Variants in RAB38 observed in about 807,000 individuals in gnomAD.
The protein encoded by RAB38 is RAB38, member RAS oncogene family.
In RAB38, 15 loss-of-function variants were observed where a neutral mutation model predicts 18.4. That is an observed-to-expected ratio of 0.82 (90% CI 0.55 to 1.26). The LOEUF (loss-of-function observed/expected upper bound fraction) is 1.26, where lower values mean the gene tolerates loss of function less well. Among genes scored for constraint, RAB38 ranks in the 50% most tolerant of loss-of-function variants. The pLI is 0.00. For missense variants in RAB38, 294 were observed against 267.4 expected, an observed-to-expected ratio of 1.10 and a Z score of -0.69; for synonymous variants, 101 against 104.4, an observed-to-expected ratio of 0.97 and a Z score of 0.20.
At chr11:88,052,943 T>A in the RAB38 span, among the ~76,000 whole-genome samples, 59 of 115,690 alleles carry the variant, frequency 5.1e-4, no homozygotes, top group African/African-American at 1.7e-3. Flanking sequence ...TATATATATA[T>A]AAATTATATA....
the RAB38 span, chr11:87,880,142 T>C: frequency 6.6e-6 from 1 of 151,816 alleles, no homozygotes; most frequent in Non-Finnish European, 1.5e-5. Context: ...TGTTGACTAT[T>C]ACTAGAAATA....
At chr11:88,022,628 A>AAAAAAAAAAAC in the RAB38 span, among the ~76,000 whole-genome samples, 3 of 150,556 alleles carry the variant, frequency 2.0e-5, 1 homozygote, top group Non-Finnish European at 4.4e-5. Context: ...AAAAAAAAAA[A>AAAAAAAAAAAC]AAAACAACTA....
At chr11:87,811,695 T>C in the RAB38 span, among the ~76,000 whole-genome samples, 1 of 152,204 alleles carries the variant, frequency 6.6e-6, no homozygotes, top group African/African-American at 2.4e-5. Flanking sequence ...AAACCTTTTA[T>C]TGTGTTGCTT....
the RAB38 span, among the ~76,000 whole-genome samples, chr11:87,950,794 C>G: frequency 1.3e-5 from 2 of 152,166 alleles, no homozygotes; most frequent in Non-Finnish European, 2.9e-5. Context: ...GGTAACCCGA[C>G]CTTTCTCTCT....
rs146536185 is a variant in RAB38, at chr11:88,159,412, C to A, written c.203-9457G>T. Among the ~76,000 whole-genome samples the A allele has an allele frequency of 1.5e-3, 231 of 151,232 alleles. 1 individual carries two copies. Among genetic ancestry groups the A allele is most frequent in the African/African-American group, 5.5e-3 (229 of 41,322 alleles). ...TTGTTAAAATGGCCACACTGCCCCC[C>A]AAAAATCTACACATCCAATGCCATT... On this transcript the variant is annotated intron_variant, in intron 1 of 2. Coordinates refer to ENST00000243662, the MANE Select transcript of RAB38 (RefSeq NM_022337.3).
chr11:88,081,937 C>T, the RAB38 span, among the ~76,000 whole-genome samples: 1 of 151,826 alleles, frequency 6.6e-6, no homozygotes, highest in African/African-American at 2.4e-5. Context: ...GAATGAACTA[C>T]TAATACATGT....
chr11:87,859,109 A>ATACC, the RAB38 span, among the ~76,000 whole-genome samples: 1 of 151,922 alleles, frequency 6.6e-6, no homozygotes, highest in African/African-American at 2.4e-5. Flanking sequence ...ATTCATCACA[A>ATACC]TACCTCACAA....
At chr11:88,128,834 T>C (rs1213681027) in intron 2 of RAB38, among the ~76,000 whole-genome samples, 1 of 152,190 alleles carries the variant, frequency 6.6e-6, no homozygotes, top group African/African-American at 2.4e-5. Context: ...ACTTGGATCA[T>C]GTGGACACTA....
chr11:88,161,771 T>A (rs1943191541), intron 1 of RAB38, among the ~76,000 whole-genome samples: 1 of 152,098 alleles, frequency 6.6e-6, no homozygotes, highest in South Asian at 2.1e-4. Context: ...ATTGTGCATA[T>A]CTGTTGTAAC....
the RAB38 span, among the ~76,000 whole-genome samples, chr11:87,883,786 C>G: frequency 6.6e-6 from 1 of 151,792 alleles, no homozygotes; most frequent in Non-Finnish European, 1.5e-5. Flanking sequence ...GGTGTCATGA[C>G]CTAAGAAATG....
chr11:87,836,880 G>A, the RAB38 span, among the ~76,000 whole-genome samples: 2 of 152,116 alleles, frequency 1.3e-5, no homozygotes, highest in Admixed American at 6.6e-5. Context: ...CTGTCTGGAA[G>A]TTGTCACCCA....
At chr11:88,032,361 A>G in the RAB38 span, among the ~76,000 whole-genome samples, 12 of 152,226 alleles carry the variant, frequency 7.9e-5, no homozygotes, top group Admixed American at 3.9e-4. Flanking sequence ...AATGGCAACC[A>G]AAGCCAAAAT....
chr11:88,008,397 A>G, the RAB38 span, among the ~76,000 whole-genome samples: 1 of 152,098 alleles, frequency 6.6e-6, no homozygotes, highest in Admixed American at 6.6e-5. Context: ...TTACCAGAAG[A>G]AGAGCATTAG....
chr11:88,075,803 C>A, the RAB38 span, among the ~76,000 whole-genome samples: 1 of 151,348 alleles, frequency 6.6e-6, no homozygotes, highest in Non-Finnish European at 1.5e-5. Flanking sequence ...ATGGCTTGAG[C>A]GCAGGAGTCG....
the RAB38 span, among the ~76,000 whole-genome samples, chr11:87,855,128 A>G: frequency 6.6e-6 from 1 of 152,118 alleles, no homozygotes; most frequent in African/African-American, 2.4e-5. Context: ...AGCCTATTGA[A>G]GTTGTGATGA....
At chr11:87,808,880 G>A in the RAB38 span, among the ~76,000 whole-genome samples, 1 of 151,808 alleles carries the variant, frequency 6.6e-6, no homozygotes, top group African/African-American at 2.4e-5. Context: ...CATTTTCATG[G>A]GTAAAAATAA....
chr11:87,916,685 A>T, the RAB38 span, among the ~76,000 whole-genome samples: 1 of 152,108 alleles, frequency 6.6e-6, no homozygotes, highest in African/African-American at 2.4e-5. Context: ...GACAATTATT[A>T]TGTCTTTCTC....
the RAB38 span, among the ~76,000 whole-genome samples, chr11:87,937,184 C>T: frequency 6.6e-6 from 1 of 151,094 alleles, no homozygotes; most frequent in East Asian, 1.9e-4. Context: ...AGGTCAAATG[C>T]CTTTTCTGCT....
the RAB38 span, among the ~76,000 whole-genome samples, chr11:87,970,382 T>C: frequency 1.3e-5 from 2 of 152,044 alleles, no homozygotes; most frequent in South Asian, 2.1e-4. Context: ...TATTATGATA[T>C]TTTGTTCTTC....
Sources: gnomAD v4.1 joint callset for allele counts (sites outside exome capture counted in the v4.1 genomes callset) on GRCh38, gnomAD v4.1.1 for gene constraint, MANE v1.5 for transcripts, NCBI Gene and HGNC (gene_info 2026-07-23, HGNC 2026-07-21) for gene names.